The following FAM234B variants were observed in gnomAD, a reference collection of about 807,000 sequenced individuals.
FAM234B encodes the protein protein FAM234B.
Under a neutral mutation model 69.3 loss-of-function variants are expected in FAM234B, and 33 were observed. The ratio of observed to expected loss-of-function variants is 0.48; its 90% CI spans 0.36 to 0.64. The LOEUF (loss-of-function observed/expected upper bound fraction) is 0.64, where lower values mean the gene tolerates loss of function less well. FAM234B is among the 30% of genes least tolerant of loss of function. FAM234B has a pLI of 0.00. For synonymous variants in FAM234B, 306 were observed against 306.9 expected (o/e 1.00, Z 0.03); for missense variants, 697 against 769.7 (o/e 0.91, Z 1.12).
At chr12:13,060,334 A>G (rs899098888) in intron 3 of FAM234B, among the ~76,000 whole-genome samples, 1 of 152,214 alleles carries the variant, frequency 6.6e-6, no homozygotes, top group Non-Finnish European at 1.5e-5. Context: ...GTGTGTTGAT[A>G]CTAACTGTGC....
chr12:13,050,381 A>T (rs906102526), intron 1 of FAM234B, among the ~76,000 whole-genome samples: 1 of 152,072 alleles, frequency 6.6e-6, no homozygotes, highest in Non-Finnish European at 1.5e-5. Context: ...CAGAGTGATT[A>T]TGCCCAGTTA....
At chr12:13,074,881 C>T (rs112052968) in intron 10 of FAM234B, among the ~76,000 whole-genome samples, 107 of 152,266 alleles carry the variant, frequency 7.0e-4, no homozygotes, top group Middle Eastern at 3.4e-3. Context: ...GGGTAATATT[C>T]ATCCCTCAGA....
chr12:13,068,776 T>G, intron 9 of FAM234B, 65 bp downstream of exon 9: 1 of 1,062,408 alleles, frequency 9.4e-7, no homozygotes, highest in Non-Finnish European at 1.4e-6. Flanking sequence ...TCCAACCCTG[T>G]GTTAGGCACA....
chr12:13,069,503 G>C (rs1458679855), intron 9 of FAM234B, among the ~76,000 whole-genome samples: 2 of 152,128 alleles, frequency 1.3e-5, no homozygotes, highest in East Asian at 3.9e-4. Flanking sequence ...AATTAATGAA[G>C]ACAGAGTCAC....
chr12:13,068,218 C>A, intron 7 of FAM234B, 86 bp from the exon 8 acceptor site: 1 of 1,353,662 alleles, frequency 7.4e-7, no homozygotes, highest in Non-Finnish European at 1.1e-6. Flanking sequence ...TACAGGTGTA[C>A]GTATACTGAG....
rs1308975786 is a variant in FAM234B, at chr12:13,067,599, T to C, written c.1142+303T>C. Among the ~76,000 whole-genome samples, 1 of 152,222 alleles carries C rather than the reference T, an allele frequency of 6.6e-6. No individual in the cohort carries two copies. The highest frequency in any genetic ancestry group is 6.5e-5 in the Admixed American group (1 of 15,290). ...AGGGAGATAGACTTATCTAACTGTT[T>C]GTGAAACTGTGCTGAAGGATCTGAC... On this transcript the variant is annotated intron_variant, in intron 7 of 12. Coordinates refer to ENST00000197268, the MANE Select transcript of FAM234B (RefSeq NM_020853.2). This position sits in a 1 kb window ranked among gnomAD's most constrained non-coding sequence, Gnocchi z 4.7.
At chr12:13,072,160 A>T (rs1032679758) in intron 10 of FAM234B, among the ~76,000 whole-genome samples, 3 of 152,186 alleles carry the variant, frequency 2.0e-5, no homozygotes, top group East Asian at 1.9e-4. Flanking sequence ...AATGGGGGGA[A>T]CCTGACGGAG....
At chr12:13,072,965 A>C (rs974153527) in intron 10 of FAM234B, among the ~76,000 whole-genome samples, 36 of 152,262 alleles carry the variant, frequency 2.4e-4, no homozygotes, top group South Asian at 6.2e-4. Flanking sequence ...ACTCAGAACC[A>C]TAAGGTGGAT....
At chr12:13,072,710 A>T (rs2120498036) in intron 10 of FAM234B, among the ~76,000 whole-genome samples, 1 of 149,138 alleles carries the variant, frequency 6.7e-6, no homozygotes, top group Non-Finnish European at 1.5e-5. Flanking sequence ...AGCCCAGGCG[A>T]CAGTGCGAGA....
rs370033577 is a variant in FAM234B at position 13,079,941 on chromosome 12, C to T, written c.1795C>T (p.Pro599Ser). The change falls in exon 12 of 13, where the codon CCC becomes TCC. Residue 599 changes from proline (P) to serine (S), a missense_variant. This residue lies in a region of FAM234B where 313 missense variants were observed against 305.5 expected (regional missense o/e 1.02). Transcript: ENST00000197268. The part of the protein sequence containing the change: ...GQMAQLQEST[P>S]KIGRGELRRF... ...GATGGCTCAGCTACAGGAGTCCACCCCCAAAATTGGCCGTGGGGAGCTGCG... is the reference window on the plus strand; with the variant it reads ...GATGGCTCAGCTACAGGAGTCCACCTCCAAAATTGGCCGTGGGGAGCTGCG... 14 of 1,613,452 alleles carry T rather than the reference C, an allele frequency of 8.7e-6. No individual in the cohort carries two copies. Among genetic ancestry groups the T allele is most frequent in the Non-Finnish European group, 1.2e-5 (14 of 1,179,780 alleles).
rs1367239106 is a variant in FAM234B, at chr12:13,082,139, A to G, written c.*1509A>G. On this transcript the variant is annotated 3_prime_UTR_variant, in exon 13 of 13. Coordinates refer to ENST00000197268, the MANE Select transcript of FAM234B (RefSeq NM_020853.2). ...ATGCCTGGCTAATTTTTTTTTTTGT[A>G]TTTTTAGTAGAGACGGGGTTTCACC... 4 of 148,784 alleles carry G rather than the reference A, an allele frequency of 2.7e-5. No homozygotes were observed. The highest frequency in any genetic ancestry group is 6.7e-5 in the Admixed American group (1 of 14,990). 9.2% of individuals were successfully genotyped at this position (148,784 alleles called of 1,614,324 possible).
In FAM234B at chr12:13,067,896, A is replaced by G. The variant is rs570681167; in HGVS notation, c.1143-408A>G. On this transcript the variant is annotated intron_variant, in intron 7 of 12. Transcript: ENST00000197268. This position sits in a 1 kb window ranked among gnomAD's most constrained non-coding sequence, Gnocchi z 4.7. ...GACAGGTATGAAGTAGAATGGTCCC[A>G]GTGGCACTGAGCAAGAACTAATTCA... Among the ~76,000 whole-genome samples the G allele has an allele frequency of 3.9e-4, 60 of 152,346 alleles. No homozygotes were observed. The highest frequency in any genetic ancestry group is 1.4e-3 in the African/African-American group (59 of 41,576).
chr12:13,074,604 A>T (rs1865141217), intron 10 of FAM234B, among the ~76,000 whole-genome samples: 1 of 152,216 alleles, frequency 6.6e-6, no homozygotes, highest in African/African-American at 2.4e-5. Context: ...ATAGCAGCTC[A>T]GTCTGGAAAA....
intron 1 of FAM234B, among the ~76,000 whole-genome samples, chr12:13,051,453 A>G (rs149930517): frequency 3.2e-4 from 49 of 152,348 alleles, no homozygotes; most frequent in Non-Finnish European, 6.0e-4. Context: ...ATCCAATTGC[A>G]CAATTATAGG....
At chr12:13,056,047 C>T (rs185610431) in intron 2 of FAM234B, 101 bp downstream of exon 2, 453 of 1,235,636 alleles carry the variant, frequency 3.7e-4, no homozygotes, top group African/African-American at 9.4e-4. Flanking sequence ...ATGTGTCATG[C>T]GGCATTCCCC....
At chr12:13,071,670 C>T (rs1049595968) in intron 10 of FAM234B, among the ~76,000 whole-genome samples, 2 of 152,052 alleles carry the variant, frequency 1.3e-5, no homozygotes, top group African/African-American at 4.8e-5. Flanking sequence ...TCCCAAGATA[C>T]TAGATCCAAA....
Position 13,067,162 on chromosome 12 carries a change from A to T in FAM234B, c.1008A>T (p.Ile336=). 1 of 1,614,016 alleles carries T rather than the reference A, an allele frequency of 6.2e-7. No homozygotes were observed. The highest frequency in any genetic ancestry group is 2.2e-5 in the East Asian group (1 of 44,886). The part of the protein sequence containing the change: ...AVYILFGFGN[I]QAVALRDIFV... ...GTTCTTCTGTGGTGCTAGGAAATAT[A>T]CAAGCTGTCGCACTGCGGGACATTT... is the stretch of plus-strand genomic sequence containing the variant. The change falls in exon 7 of 13, where the codon ATA becomes ATT. Residue 336 remains isoleucine (I), a synonymous_variant. Coordinates refer to ENST00000197268, the MANE Select transcript of FAM234B (RefSeq NM_020853.2). This position sits in a 1 kb window ranked among gnomAD's most constrained non-coding sequence, Gnocchi z 4.7.
intron 1 of FAM234B, among the ~76,000 whole-genome samples, chr12:13,051,004 T>A (rs1864870460): frequency 6.6e-6 from 1 of 152,242 alleles, no homozygotes. Context: ...ATTTAGTTCA[T>A]AAATTGTGGT....
intron 5 of FAM234B, among the ~76,000 whole-genome samples, chr12:13,063,921 G>A (rs78620035): frequency 1.6e-4 from 24 of 152,306 alleles, no homozygotes; most frequent in African/African-American, 5.8e-4. Flanking sequence ...AATTTTAATA[G>A]ACCTTGTGTT....
Sources: allele counts gnomAD v4.1 joint callset (sites outside exome capture counted in the v4.1 genomes callset), GRCh38; gene constraint gnomAD v4.1.1; regional missense constraint gnomAD v4.1.1; non-coding constraint Gnocchi (gnomAD v3.1); transcripts MANE v1.5; gene names NCBI Gene and HGNC (gene_info 2026-07-23, HGNC 2026-07-21).